Variants in ZNF763 observed in about 807,000 individuals in gnomAD.
ZNF763 encodes the protein DNA-binding protein.
In ZNF763, 33 loss-of-function variants were observed where a neutral mutation model predicts 38.0. The ratio of observed to expected loss-of-function variants is 0.87; its 90% confidence interval spans 0.66 to 1.16. The LOEUF (loss-of-function observed/expected upper bound fraction) is 1.16. Ranked by LOEUF, ZNF763 falls within the 50% of genes most tolerant of loss-of-function variation. The probability of loss-of-function intolerance (pLI) is 0.00; values close to 1 mark genes in which losing one functional copy is unlikely to be tolerated. For missense variants in ZNF763, 423 were observed against 469.1 expected (o/e 0.90, Z 0.91); for synonymous variants, 155 against 160.1 (o/e 0.97, Z 0.24).
At position 11,978,245 on chromosome 19, in the gene ZNF763, T is replaced by A. The variant is rs112589223; in HGVS notation, c.321T>A (p.Asp107Glu). The change falls in exon 4 of 4, where the codon GAT (aspartate) becomes GAA (glutamate). Residue 107 changes from aspartate (D) to glutamate (E), a missense_variant. By Grantham distance (45) the Asp-to-Glu change is conservative. Coordinates refer to ENST00000358987, the MANE Select transcript of ZNF763 (RefSeq NM_001367172.2). ...KKASPEAKSC[D>E]NFVCGEVGIG... ...CTTCTCCTGAAGCAAAATCATGTGA[T>A]AACTTTGTATGTGGAGAAGTTGGCA... The A allele has an allele frequency of 6.2e-7, 1 of 1,614,092 alleles. No individual in the cohort carries two copies. Among genetic ancestry groups the A allele is most frequent in the Non-Finnish European group, 8.5e-7 (1 of 1,179,970 alleles).
intron 1 of ZNF763, among the ~76,000 whole-genome samples, chr19:11,970,799 C>T (rs750702486): frequency 4.6e-5 from 7 of 152,096 alleles, no homozygotes; most frequent in African/African-American, 1.4e-4. Context: ...AGCATGGCAG[C>T]GCATGGCTAT....
At chr19:11,966,292 A>C (rs1038867935) in intron 1 of ZNF763, among the ~76,000 whole-genome samples, 3 of 152,214 alleles carry the variant, frequency 2.0e-5, no homozygotes, top group African/African-American at 4.8e-5. Flanking sequence ...CCTGTCATAC[A>C]GAGGCACTCA....
chr19:11,980,611 A>G lies in ZNF763; in HGVS notation c.*1502A>G, dbSNP rs1973598753. 6.6e-6 allele frequency among the ~76,000 whole-genome samples: 1 copy of G among 152,176 alleles called. No individual in the cohort carries two copies. On this transcript the variant is annotated 3_prime_UTR_variant, in exon 4 of 4. Transcript: ENST00000358987. ...AGGAAGCTAATAAATTACAATAATAATGTAAATTGTCTAAATACAGCCTTT... is the reference window on the plus strand; with the variant it reads ...AGGAAGCTAATAAATTACAATAATAGTGTAAATTGTCTAAATACAGCCTTT...
Position 11,978,618 on chromosome 19 carries a change from C to A in ZNF763, c.694C>A (p.Gln232Lys), listed in dbSNP as rs199789688. 2.3e-4 allele frequency: 377 copies of A among 1,614,074 alleles called. 1 individual carries two copies. The highest frequency in any genetic ancestry group is 2.2e-5 in the Non-Finnish European group (26 of 1,180,010). The change falls in exon 4 of 4, where the codon CAA (glutamine) becomes AAA (lysine). Residue 232 changes from glutamine to lysine, a missense_variant. Coordinates refer to ENST00000358987, the MANE Select transcript of ZNF763 (RefSeq NM_001367172.2). ...TGGAGAGAAACCGTATGAATGTAAA[C>A]AATGTGTTAAATCCTTTAGTTATTC... ...HTGEKPYECK[Q>K]CVKSFSYSAT...
In ZNF763 at chr19:11,978,636, A is replaced by C; in HGVS notation, c.712A>C (p.Ser238Arg). The change falls in exon 4 of 4, where the codon AGT (serine) becomes CGT (arginine). Residue 238 changes from serine to arginine, a missense_variant. Ser to Arg is a moderately radical substitution (Grantham distance 110). Coordinates refer to ENST00000358987, the MANE Select transcript of ZNF763 (RefSeq NM_001367172.2). The stretch of plus-strand genomic sequence containing the variant: ...ATGTAAACAATGTGTTAAATCCTTT[A>C]GTTATTCTGCTACCCATCGAATACA... ...YECKQCVKSF[S>R]YSATHRIHER... 1 of 1,614,068 alleles carries C rather than the reference A, an allele frequency of 6.2e-7. No homozygotes were observed. The highest frequency in any genetic ancestry group is 8.5e-7 in the Non-Finnish European group (1 of 1,179,976).
chr19:11,965,288 C>T lies in ZNF763; in HGVS notation c.3+77C>T. 6 of 1,600,472 alleles carry T rather than the reference C, an allele frequency of 3.7e-6. No individual in the cohort carries two copies. In the South Asian group the frequency reaches 6.7e-5, roughly 18 times the overall value. ...CGGCCGGAACCGGCTGCGGCGGGAC[C>T]CGGGCCTCCCTGCGGGCGACTCCAG... On this transcript the variant is annotated intron_variant, in intron 1 of 3. Transcript: ENST00000358987.
chr19:11,974,121 CTTTCT>C (rs879904788), intron 1 of ZNF763, among the ~76,000 whole-genome samples: 11,455 of 72,762 alleles, frequency 0.16, 456 homozygotes, highest in Middle Eastern at 0.22. Flanking sequence ...TTCTTTCTTT[CTTTCT>C]TTTCTTTCTT....
chr19:11,977,957 A>G (rs1259400895), intron 3 of ZNF763, among the ~76,000 whole-genome samples, 159 bp from the exon 4 acceptor site: 1 of 152,208 alleles, frequency 6.6e-6, no homozygotes, highest in Non-Finnish European at 1.5e-5. Context: ...AGGTATGACT[A>G]TGTCACCTTG....
intron 1 of ZNF763, among the ~76,000 whole-genome samples, chr19:11,970,141 T>C (rs1219922184): frequency 6.6e-6 from 1 of 152,202 alleles, no homozygotes; most frequent in Non-Finnish European, 1.5e-5. Context: ...CCACTTTCCA[T>C]TAATTGGAGA....
At position 11,978,974 on chromosome 19, in the gene ZNF763, G is replaced by A. The variant is rs376920825; in HGVS notation, c.1050G>A (p.Thr350=). 5.6e-5 allele frequency: 91 copies of A among 1,614,118 alleles called. No homozygotes were observed. The highest frequency in any genetic ancestry group is 2.2e-4 in the Admixed American group (13 of 60,012). ...YQCKECRKAF[T]YPSSLRRHER... is the part of the protein sequence containing the mutation. The stretch of plus-strand genomic sequence containing the variant: ...GTAAGGAATGTAGAAAAGCATTCAC[G>A]TATCCCAGTTCCCTTCGTAGACATG... Residue 350 remains threonine, a synonymous_variant, in exon 4 of 4, where the codon ACG becomes ACA. Coordinates refer to ENST00000358987, the MANE Select transcript of ZNF763 (RefSeq NM_001367172.2).
chr19:11,967,055 G>A (rs1230943365), intron 1 of ZNF763, among the ~76,000 whole-genome samples: 1 of 152,150 alleles, frequency 6.6e-6, no homozygotes, highest in African/African-American at 2.4e-5. Context: ...GCTACTCTGG[G>A]CCAGCATGAT....
intron 1 of ZNF763, among the ~76,000 whole-genome samples, chr19:11,968,488 T>C (rs1973284708): frequency 6.6e-6 from 1 of 152,160 alleles, no homozygotes; most frequent in Non-Finnish European, 1.5e-5. Context: ...ACAGTCCTCC[T>C]TCCTTGGCCT....
chr19:11,965,943 G>A (rs1364503897), intron 1 of ZNF763, among the ~76,000 whole-genome samples: 2 of 152,178 alleles, frequency 1.3e-5, no homozygotes, highest in African/African-American at 2.4e-5. Flanking sequence ...GGCACAGGTG[G>A]TTGAGGGATT....
At chr19:11,974,114 T>C (rs1277392844) in intron 1 of ZNF763, among the ~76,000 whole-genome samples, 3 of 84,916 alleles carry the variant, frequency 3.5e-5, no homozygotes, top group Non-Finnish European at 7.3e-5. Flanking sequence ...TCTTTCTTTC[T>C]TTCTTTCTTT....
Position 11,977,122 on chromosome 19 carries a change from A to G in ZNF763, c.88A>G (p.Arg30Gly), listed in dbSNP as rs1234753081. 1 of 1,614,180 alleles carries G rather than the reference A, an allele frequency of 6.2e-7. No individual in the cohort carries two copies. Among genetic ancestry groups the G allele is most frequent in the South Asian group, 1.1e-5 (1 of 91,082 alleles). ...LLDISQRKLY[R>G]EVMLETFRNL... ...GGATATTTCGCAGAGGAAACTCTACAGGGAAGTGATGCTGGAAACTTTCAG... is the reference window on the plus strand; with the variant it reads ...GGATATTTCGCAGAGGAAACTCTACGGGGAAGTGATGCTGGAAACTTTCAG... Residue 30 changes from arginine (R) to glycine (G), a missense_variant, in exon 2 of 4, where the codon AGG becomes GGG. Physicochemically the swap from Arg to Gly is moderately radical, Grantham distance 125. Coordinates refer to ENST00000358987, the MANE Select transcript of ZNF763 (RefSeq NM_001367172.2).
chr19:11,974,125 C>CT (rs375666401), intron 1 of ZNF763, among the ~76,000 whole-genome samples: 11 of 60,986 alleles, frequency 1.8e-4, no homozygotes, highest in Admixed American at 1.7e-3. Flanking sequence ...TTCTTTCTTT[C>CT]TTTTCTTTCT....
At chr19:11,971,723 T>G (rs61684585) in intron 1 of ZNF763, among the ~76,000 whole-genome samples, 4 of 152,330 alleles carry the variant, frequency 2.6e-5, no homozygotes, top group African/African-American at 9.6e-5. Context: ...AATAATCATT[T>G]TATATCCTTC....
intron 1 of ZNF763, among the ~76,000 whole-genome samples, chr19:11,969,172 T>G (rs1341168410): frequency 1.3e-5 from 2 of 152,244 alleles, no homozygotes; most frequent in African/African-American, 4.8e-5. Context: ...CGGCGTGATC[T>G]CAGCTCACTG....
intron 1 of ZNF763, among the ~76,000 whole-genome samples, chr19:11,969,199 G>A (rs994423453): frequency 1.3e-5 from 2 of 152,178 alleles, no homozygotes; most frequent in Admixed American, 6.5e-5. Flanking sequence ...CTGCCTTCTG[G>A]GTTCAAGTAA....
Sources: allele counts gnomAD v4.1 joint callset (sites outside exome capture counted in the v4.1 genomes callset), GRCh38; gene constraint gnomAD v4.1.1; transcripts MANE v1.5; gene names NCBI Gene and HGNC (gene_info 2026-07-23, HGNC 2026-07-21).